The following FBXL13 variants were observed in gnomAD, a reference collection of about 807,000 sequenced individuals.
FBXL13 encodes the protein F-box and leucine-rich repeat protein 13.
Under a neutral mutation model 83.6 loss-of-function variants are expected in FBXL13, and 67 were observed. That is an observed-to-expected ratio of 0.80 (90% confidence interval 0.66 to 0.98). The LOEUF is 0.98. FBXL13 is among the 50% of genes least tolerant of loss of function. The probability of loss-of-function intolerance (pLI) is 0.00; values close to 1 mark genes in which losing one functional copy is unlikely to be tolerated. For missense variants in FBXL13, 822 were observed against 866.5 expected, an observed-to-expected ratio of 0.95 and a Z score of 0.64; for synonymous variants, 272 against 299.5, an observed-to-expected ratio of 0.91 and a Z score of 0.95.
intron 6 of FBXL13, among the ~76,000 whole-genome samples, chr7:102,984,584 G>A (rs1828711786): frequency 6.6e-6 from 1 of 152,112 alleles, no homozygotes; most frequent in Middle Eastern, 3.4e-3. Flanking sequence ...TTCATTCTTG[G>A]GGCTTATATG....
chr7:103,010,936 T>A (rs962433635), intron 6 of FBXL13, among the ~76,000 whole-genome samples: 4 of 152,052 alleles, frequency 2.6e-5, no homozygotes, highest in Non-Finnish European at 5.9e-5. Context: ...TGGGAGGTCC[T>A]CCAAGATTCA....
At position 102,963,610 on chromosome 7, in the gene FBXL13, A is replaced by T; in HGVS notation, c.647T>A (p.Leu216Ter). Residue 216 changes from leucine to a stop codon, truncating the protein, a stop_gained, in exon 8 of 20, where the codon TTG becomes TAG. Transcript: ENST00000313221. LOFTEE classifies it high-confidence loss of function. ...CAGCACATTTAAACGCCACCTTTGC[A>T]AAGTAGACACTATATATTTATCTGG... The T allele has an allele frequency of 6.2e-7, 1 of 1,613,124 alleles. No homozygotes were observed. The highest frequency in any genetic ancestry group is 1.1e-5 in the South Asian group (1 of 90,626).
chr7:102,933,800 G>A (rs1233401220), intron 8 of FBXL13: 3 of 1,126,098 alleles, frequency 2.7e-6, no homozygotes, highest in Non-Finnish European at 2.5e-6. Context: ...ACCCCAGCTG[G>A]GTCTCATTGT....
intron 8 of FBXL13, among the ~76,000 whole-genome samples, chr7:102,958,880 T>C (rs1447140394): frequency 1.3e-5 from 2 of 152,020 alleles, no homozygotes; most frequent in African/African-American, 4.8e-5. Context: ...AACAGCATTA[T>C]ATCCACATAC....
intron 1 of FBXL13, among the ~76,000 whole-genome samples, chr7:103,057,419 G>GA (rs1302290789): frequency 1.3e-5 from 2 of 151,140 alleles, no homozygotes; most frequent in African/African-American, 2.4e-5. Context: ...GGGGTTGGGG[G>GA]GGGTTGTTTT....
intron 16 of FBXL13, among the ~76,000 whole-genome samples, chr7:102,858,393 C>A (rs577122218): frequency 6.6e-6 from 1 of 152,072 alleles, no homozygotes; most frequent in Admixed American, 6.5e-5. Context: ...TATGGTTAAC[C>A]ATAATTTATT....
intron 18 of FBXL13, among the ~76,000 whole-genome samples, chr7:102,827,366 A>G (rs1243621451): frequency 2.6e-5 from 4 of 152,190 alleles, no homozygotes; most frequent in Non-Finnish European, 4.4e-5. Flanking sequence ...CACACAGCCA[A>G]AACCAGCCCA....
At chr7:103,020,704 G>A (rs550191757) in intron 6 of FBXL13, among the ~76,000 whole-genome samples, 1 of 152,150 alleles carries the variant, frequency 6.6e-6, no homozygotes, top group South Asian at 2.1e-4. Context: ...CAAACAGAGA[G>A]CCAAATCATG....
chr7:102,853,602 A>C (rs1304890891), intron 17 of FBXL13, among the ~76,000 whole-genome samples: 1 of 152,178 alleles, frequency 6.6e-6, no homozygotes, highest in Non-Finnish European at 1.5e-5. Flanking sequence ...AATGGGAGAA[A>C]ATTTTTGCAA....
chr7:103,034,608 G>C (rs909703346), intron 2 of FBXL13, among the ~76,000 whole-genome samples: 2 of 152,260 alleles, frequency 1.3e-5, no homozygotes, highest in Admixed American at 1.3e-4. Context: ...CGCAAGCTGA[G>C]GGAGCCGGTT....
chr7:102,855,426 C>T (rs1805893993), intron 16 of FBXL13, among the ~76,000 whole-genome samples: 1 of 152,020 alleles, frequency 6.6e-6, no homozygotes, highest in Non-Finnish European at 1.5e-5. Flanking sequence ...AGAGATTGCA[C>T]TTTCAGCCAT....
At chr7:102,934,600 AC>A (rs757868779) in intron 8 of FBXL13, 26 of 1,613,782 alleles carry the variant, frequency 1.6e-5, no homozygotes, top group Non-Finnish European at 2.2e-5. Flanking sequence ...TGTCAGGGAG[AC>A]CCCCAGTCAT....
intron 10 of FBXL13, among the ~76,000 whole-genome samples, chr7:102,916,007 G>A (rs973196484): frequency 2.7e-5 from 4 of 149,708 alleles, no homozygotes; most frequent in South Asian, 2.1e-4. Flanking sequence ...TGTTTGAGAC[G>A]GAGTCTCACT....
chr7:103,072,316 T>G lies in FBXL13; in HGVS notation c.-105+1930A>C, dbSNP rs371683480. On this transcript the variant is annotated intron_variant, in intron 1 of 19. Transcript: ENST00000313221. ...ATGGGTAATGAGTTTAAGGTGGGTGTGTGGGGCCCAGAGGATTGCTCCTTT... is the reference window on the plus strand; with the variant it reads ...ATGGGTAATGAGTTTAAGGTGGGTGGGTGGGGCCCAGAGGATTGCTCCTTT... Among the ~76,000 whole-genome samples the G allele has an allele frequency of 1.5e-4, 23 of 152,268 alleles. 1 individual carries two copies. The East Asian group carries it at 4.1e-3, about 27-fold the overall frequency.
At chr7:103,072,017 G>A (rs575509219) in intron 1 of FBXL13, among the ~76,000 whole-genome samples, 1 of 151,560 alleles carries the variant, frequency 6.6e-6, no homozygotes, top group Non-Finnish European at 1.5e-5. Flanking sequence ...ACCCTGTCTC[G>A]ACTAAAAATA....
rs760616974 is a variant in FBXL13, at chr7:102,832,820, G to A, written c.1854+20C>T. On this transcript the variant is annotated intron_variant, in intron 18 of 19. Transcript: ENST00000313221. ...CAGTGCTTAAATTGGATGTGTTTGA[G>A]CCCTGACTCCTGCACATACCTTTGG... 11 of 1,613,778 alleles carry A rather than the reference G, an allele frequency of 6.8e-6. No individual in the cohort carries two copies. Among genetic ancestry groups the A allele is most frequent in the Non-Finnish European group, 8.5e-6 (10 of 1,179,894 alleles).
At chr7:102,833,182 A>G (rs778676197) in intron 17 of FBXL13, among the ~76,000 whole-genome samples, 7 of 152,204 alleles carry the variant, frequency 4.6e-5, no homozygotes, top group Admixed American at 2.0e-4. Flanking sequence ...CAGCTTAGTG[A>G]TATTCAAATG....
chr7:102,982,964 C>T (rs1828439325), intron 6 of FBXL13, among the ~76,000 whole-genome samples: 1 of 152,192 alleles, frequency 6.6e-6, no homozygotes, highest in South Asian at 2.1e-4. Context: ...TTATCCCATA[C>T]CCTCATTATC....
Position 102,882,686 on chromosome 7 carries a change from T to C in FBXL13, c.1388+619A>G, listed in dbSNP as rs189185888. ...CTGAGGCTAGAGAATCACTTGAGCA[T>C]GGGAGGCAGAGGTTGCAGTGAGCTG... On this transcript the variant is annotated intron_variant, in intron 14 of 19. Coordinates refer to ENST00000313221, the Ensembl canonical transcript of FBXL13. Among the ~76,000 whole-genome samples the C allele has an allele frequency of 3.8e-3, 580 of 152,132 alleles. 5 individuals are homozygous for C. Among genetic ancestry groups the C allele is most frequent in the African/African-American group, 0.014 (572 of 41,502 alleles).
Sources: gnomAD v4.1 joint callset for allele counts (sites outside exome capture counted in the v4.1 genomes callset) on GRCh38, gnomAD v4.1.1 for gene constraint, MANE v1.5 for transcripts, NCBI Gene and HGNC (gene_info 2026-07-23, HGNC 2026-07-21) for gene names.